Variants in MROH6 observed in about 807,000 individuals in gnomAD.
MROH6 encodes the protein maestro heat like repeat family member 6, also known as maestro heat-like repeat-containing protein family member 6.
Under a neutral mutation model 67.7 loss-of-function variants are expected in MROH6, and 62 were observed. The observed-to-expected ratio is 0.92, with a 90% confidence interval of 0.75 to 1.13. The LOEUF (loss-of-function observed/expected upper bound fraction) is 1.13. Ranked by LOEUF, MROH6 falls within the 50% of genes most tolerant of loss-of-function variation. The probability of loss-of-function intolerance (pLI) is 0.00; values close to 1 mark genes in which losing one functional copy is unlikely to be tolerated. For synonymous variants in MROH6, 566 were observed against 470.8 expected (o/e 1.20, Z -2.62); for missense variants, 1,175 against 1,029.1 (o/e 1.14, Z -1.94).
intron 4 of MROH6, 35 bp downstream of exon 4, chr8:143,570,842 G>GGC: frequency 7.1e-6 from 3 of 420,726 alleles, no homozygotes; most frequent in Non-Finnish European, 1.1e-5. Context: ...CCCCACCCCC[G>GGC]CCCCCACCCC....
chr8:143,567,683 C>G lies in MROH6; in HGVS notation c.1868-7G>C. On this transcript the variant is annotated splice_polypyrimidine_tract_variant and splice_region_variant and intron_variant, in intron 12 of 13. Coordinates refer to ENST00000398882, the MANE Select transcript of MROH6 (RefSeq NM_001100878.2). ...GCGTGGTGGACAAGGAAGCCTGGAC[C>G]ACAGCAGATGCATGAGTGCAGGCCC... The G allele has an allele frequency of 6.3e-7, 1 of 1,579,404 alleles. No homozygotes were observed. Among genetic ancestry groups the G allele is most frequent in the East Asian group, 2.3e-5 (1 of 42,724 alleles).
rs748584356 is a variant in MROH6 at position 143,569,516 on chromosome 8, G to T, written c.1401C>A (p.Leu467=). Residue 467 remains leucine (L), a synonymous_variant, in exon 9 of 14, where the codon CTC becomes CTA. Coordinates refer to ENST00000398882, the MANE Select transcript of MROH6 (RefSeq NM_001100878.2). ...GCACAGGCGCCCGGGGCCGCAGCAG[G>T]AGCCTCCTCAGGGCGCCCAGCGCTG... is the stretch of plus-strand genomic sequence containing the variant. ...VGAALGALRR[L]LLRPRAPVRL... is the part of the protein sequence containing the mutation. The T allele has an allele frequency of 6.7e-7, 1 of 1,499,526 alleles. No individual in the cohort carries two copies. Among genetic ancestry groups the T allele is most frequent in the Non-Finnish European group, 8.8e-7 (1 of 1,133,242 alleles). The allele number at this position is 1,499,526 out of a possible 1,614,324, so 92.9% of individuals were successfully genotyped here. A position where few individuals can be genotyped will look rare whatever the true frequency, so the allele number is the denominator to read the frequency against.
intron 7 of MROH6, 50 bp downstream of exon 7, chr8:143,569,901 G>T (rs919335078): frequency 4.3e-6 from 7 of 1,610,682 alleles, no homozygotes; most frequent in Non-Finnish European, 5.9e-6. Flanking sequence ...TGCGATTCAG[G>T]GATCAAGTCC....
intron 11 of MROH6, 78 bp from the exon 12 acceptor site, chr8:143,567,966 G>T (rs538777455): frequency 1.4e-6 from 2 of 1,447,916 alleles, no homozygotes; most frequent in South Asian, 2.8e-5. Flanking sequence ...GAATCCAGGG[G>T]CCGGGGTTCC....
At position 143,568,661 on chromosome 8, in the gene MROH6, C is replaced by T. The variant is rs1035471054; in HGVS notation, c.1535G>A (p.Gly512Asp). The change falls in exon 10 of 14, where the codon GGC becomes GAC. Residue 512 changes from glycine to aspartate, a missense_variant. By Grantham distance (94) the Gly-to-Asp change is moderately conservative. Coordinates refer to ENST00000398882, the MANE Select transcript of MROH6 (RefSeq NM_001100878.2). The stretch of plus-strand genomic sequence containing the variant: ...GAGCCCCAGCCGGAGCCCGCCCCGG[C>T]CCCGGCGCACCAGAGTCCCAAGGAG... ...VGLLGTLVRR[G>D]RGGLRLGLRG... 9 of 1,530,958 alleles carry T rather than the reference C, an allele frequency of 5.9e-6. No homozygotes were observed. The highest frequency in any genetic ancestry group is 1.2e-5 in the South Asian group (1 of 83,546). 94.8% of individuals were successfully genotyped at this position (1,530,958 alleles called of 1,614,324 possible). A position where few individuals can be genotyped will look rare whatever the true frequency, so the allele number is the denominator to read the frequency against.
chr8:143,567,914 G>C, intron 11 of MROH6, 26 bp from the exon 12 acceptor site: 1 of 1,513,680 alleles, frequency 6.6e-7, no homozygotes, highest in Non-Finnish European at 8.8e-7. Context: ...CTAGTGGCAG[G>C]ACAGGAGGGC....
chr8:143,572,411 C>CAT lies in MROH6; in HGVS notation c.294+9_294+10insAT. The CAT allele has an allele frequency of 1.9e-6, 3 of 1,550,130 alleles. No homozygotes were observed. The highest frequency in any genetic ancestry group is 2.6e-6 in the Non-Finnish European group (3 of 1,150,488). ...CCGGTTCGCACAACATCCCTTCCCT[C>CAT]CCCCGTCACCTGGTGGGGCCCCTCA... is the stretch of plus-strand genomic sequence containing the variant. On this transcript the variant is annotated intron_variant, in intron 1 of 13. Transcript: ENST00000398882.
intron 3 of MROH6, 51 bp from the exon 4 acceptor site, chr8:143,571,045 G>A (rs1824006354): frequency 4.8e-6 from 7 of 1,472,180 alleles, no homozygotes; most frequent in African/African-American, 1.4e-5. Context: ...TGGGTGTCCA[G>A]GGAATGTAGG....
Position 143,572,450 on chromosome 8 carries a change from G to C in MROH6, c.265C>G (p.Leu89Val), listed in dbSNP as rs1460960954. The change falls in exon 1 of 14, where the codon CTG (leucine) becomes GTG (valine). Residue 89 changes from leucine to valine, a missense_variant. By Grantham distance (32) the Leu-to-Val change is conservative. Transcript: ENST00000398882. ...TGGGGCCCCTCAGGGGCTGGTTCCA[G>C]GGCACTGTTGAGGGAGCAGGGCTCG... is the stretch of plus-strand genomic sequence containing the variant. ...GSEPCSLNSA[L>V]EPAPEGPHQV... The C allele has an allele frequency of 6.3e-7, 1 of 1,595,004 alleles. No individual in the cohort carries two copies. The highest frequency in any genetic ancestry group is 8.5e-7 in the Non-Finnish European group (1 of 1,174,386).
Position 143,570,511 on chromosome 8 carries a change from C to T in MROH6, c.867G>A (p.Trp289Ter). 6.2e-7 allele frequency: 1 copy of T among 1,612,808 alleles called. No homozygotes were observed. Among genetic ancestry groups the T allele is most frequent in the Non-Finnish European group, 8.5e-7 (1 of 1,179,810 alleles). The change falls in exon 5 of 14, where the codon TGG becomes TGA. Residue 289 changes from tryptophan (W) to a stop codon, truncating the protein, a stop_gained. Coordinates refer to ENST00000398882, the MANE Select transcript of MROH6 (RefSeq NM_001100878.2). LOFTEE classifies it high-confidence loss of function. ...SPCSPDMPKI[W>*]VLSHRGPPHS... The stretch of plus-strand genomic sequence containing the variant: ...GTGGTGGCCCTCGGTGGGACAGAAC[C>T]CAAATCTTGGGCATGTCGGGGGAGC...
rs1470640976 is a variant in MROH6, at chr8:143,572,362, C to T, written c.294+59G>A. On this transcript the variant is annotated intron_variant, in intron 1 of 13. Transcript: ENST00000398882. ...CGCCCCCCTGCCACCCCGCCTTCCA[C>T]CTACCATCCACAGGACCCCCAGGCC... 32 of 1,493,402 alleles carry T rather than the reference C, an allele frequency of 2.1e-5. No homozygotes were observed. In the East Asian group the frequency reaches 6.5e-4, roughly 30 times the overall value. The allele number at this position is 1,493,402 out of a possible 1,614,324, so 92.5% of individuals were successfully genotyped here.
Position 143,569,802 on chromosome 8 carries a change from C to T in MROH6, c.1197G>A (p.Glu399=), listed in dbSNP as rs368997939. 43 of 1,612,172 alleles carry T rather than the reference C, an allele frequency of 2.7e-5. 1 individual carries two copies. In the East Asian group the frequency reaches 7.1e-4, roughly 27 times the overall value. Residue 399 remains glutamate (E), a synonymous_variant, in exon 8 of 14, where the codon GAG becomes GAA. Transcript: ENST00000398882. ...QSRPTARLLR[E]EVILERLLTW... ...TGAGGAGTCGCTCCAGGATGACCTC[C>T]TCCCGCAGGAGCCGTGCGGTGGGCC... is the stretch of plus-strand genomic sequence containing the variant.
chr8:143,571,713 G>A lies in MROH6; in HGVS notation c.556C>T (p.Arg186Trp), dbSNP rs1333008144. ...VLSALALEHARDVVCALLPRS... is the reference protein window; with the variant it reads ...VLSALALEHAWDVVCALLPRS... Reference sequence around the variant, plus strand: ...GGTAGCAGCGCACACACCACGTCCCGCGCATGCTCCAGGGCCAGTGCGCTC... The same window carrying A: ...GGTAGCAGCGCACACACCACGTCCCACGCATGCTCCAGGGCCAGTGCGCTC... The change falls in exon 3 of 14, where the codon CGG (arginine) becomes TGG (tryptophan). Residue 186 changes from arginine to tryptophan, a missense_variant. Transcript: ENST00000398882. 3.2e-6 allele frequency: 5 copies of A among 1,551,136 alleles called. No individual in the cohort carries two copies. The highest frequency in any genetic ancestry group is 1.4e-5 in the African/African-American group (1 of 73,294).
At position 143,571,655 on chromosome 8, in the gene MROH6, C is replaced by G; in HGVS notation, c.602+12G>C. Reference sequence around the variant, plus strand: ...CCGCGTGGGGACCGCAGGGCCAGGACGGTTGGGTTACCGATCGGCGGGCAG... The same window carrying G: ...CCGCGTGGGGACCGCAGGGCCAGGAGGGTTGGGTTACCGATCGGCGGGCAG... On this transcript the variant is annotated intron_variant, in intron 3 of 13. Transcript: ENST00000398882. The G allele has an allele frequency of 6.4e-7, 1 of 1,560,560 alleles. No homozygotes were observed. Among genetic ancestry groups the G allele is most frequent in the Non-Finnish European group, 8.7e-7 (1 of 1,153,056 alleles).
In MROH6 at chr8:143,567,281, GCTCCGGCGCTGGAAGGGGCTGT is replaced by G; in HGVS notation, c.2096_2117del (p.Asp699AlafsTer113). On this transcript the variant is annotated frameshift_variant, in exon 14 of 14. Transcript: ENST00000398882. LOFTEE classifies it low-confidence loss of function (END_TRUNC). The stretch of plus-strand genomic sequence containing the variant: ...CGGAGCAGCCCCAGCGGCCCGCGAC[GCTCCGGCGCTGGAAGGGGCTGT>G]CGGCGAAGACTGGTGGGGGCCGGGC... The G allele has an allele frequency of 8.2e-7, 1 of 1,222,516 alleles. No individual in the cohort carries two copies. The highest frequency in any genetic ancestry group is 3.2e-5 in the East Asian group (1 of 31,026). 75.7% of individuals were successfully genotyped at this position (1,222,516 alleles called of 1,614,324 possible).
Position 143,568,593 on chromosome 8 carries a change from G to A in MROH6, c.1603C>T (p.Leu535=). ...CTGGGGTCATGCAGGCGCAGCAGCA[G>A]CGGCACGAGACTCTGCAGCACCAGC... ...RKLVLQSLVP[L]LLRLHDPSRD... is the part of the protein sequence containing the mutation. The change falls in exon 10 of 14, where the codon CTG becomes TTG. Residue 535 remains leucine, a synonymous_variant. Transcript: ENST00000398882. 1 of 1,547,116 alleles carries A rather than the reference G, an allele frequency of 6.5e-7. No homozygotes were observed. The highest frequency in any genetic ancestry group is 8.7e-7 in the Non-Finnish European group (1 of 1,153,434).
chr8:143,570,139 C>A, intron 6 of MROH6, 74 bp from the exon 7 acceptor site: 1 of 1,569,182 alleles, frequency 6.4e-7, no homozygotes, highest in South Asian at 1.1e-5. Flanking sequence ...ATCCCAACAC[C>A]ACCCTCATGC....
intron 4 of MROH6, 85 bp downstream of exon 4, chr8:143,570,792 T>G: frequency 7.1e-7 from 1 of 1,413,002 alleles, no homozygotes; most frequent in Non-Finnish European, 9.6e-7. Context: ...GTTACCTAGG[T>G]GCAAACTCCC....
Position 143,567,266 on chromosome 8 carries a change from C to A in MROH6, c.2133G>T (p.Trp711Cys). 1 of 1,222,762 alleles carries A rather than the reference C, an allele frequency of 8.2e-7. No homozygotes were observed. The highest frequency in any genetic ancestry group is 1.0e-6 in the Non-Finnish European group (1 of 982,046). The allele number at this position is 1,222,762 out of a possible 1,614,324, so 75.7% of individuals were successfully genotyped here. ...AGGCTCGGCGGGGTCCGGAGCAGCC[C>A]CAGCGGCCCGCGACGCTCCGGCGCT... Reference protein sequence around the residue: ...PFQRRSVAGRWGCSGPRRA With the variant: ...PFQRRSVAGRCGCSGPRRA Residue 711 changes from tryptophan to cysteine, a missense_variant, in exon 14 of 14, where the codon TGG (tryptophan) becomes TGT (cysteine). By Grantham distance (215) the Trp-to-Cys change is radical. Coordinates refer to ENST00000398882, the MANE Select transcript of MROH6 (RefSeq NM_001100878.2).
Sources: gnomAD v4.1 joint callset for allele counts on GRCh38, gnomAD v4.1.1 for gene constraint, MANE v1.5 for transcripts, NCBI Gene and HGNC (gene_info 2026-07-23, HGNC 2026-07-21) for gene names.